Variants in ROBO1 observed in about 807,000 individuals in gnomAD.
ROBO1 encodes roundabout homolog 1.
In ROBO1, 149 loss-of-function variants were observed where a neutral mutation model predicts 195.9. That is an observed-to-expected ratio of 0.76 (90% CI 0.67 to 0.87). The LOEUF is 0.87. ROBO1 is among the 40% of genes least tolerant of loss of function. ROBO1 has a pLI of 0.00. For synonymous variants in ROBO1, 816 were observed against 733.2 expected, an observed-to-expected ratio of 1.11 and a Z score of -1.82; for missense variants, 1,933 against 2,068.3, an observed-to-expected ratio of 0.93 and a Z score of 1.27.
chr3:79,511,145 T>C (rs1940682697), intron 2 of ROBO1, among the ~76,000 whole-genome samples: 1 of 152,152 alleles, frequency 6.6e-6, no homozygotes, highest in East Asian at 1.9e-4. Context: ...AAGAAGAGTA[T>C]AATCAAGAAA....
chr3:79,291,986 A>C (rs910480509), intron 2 of ROBO1, among the ~76,000 whole-genome samples: 25 of 152,372 alleles, frequency 1.6e-4, no homozygotes, highest in Admixed American at 9.1e-4. Flanking sequence ...AAACAATAAC[A>C]GAATCTGTTA....
intron 1 of ROBO1, among the ~76,000 whole-genome samples, chr3:79,718,455 C>T (rs770275681): frequency 1.3e-5 from 2 of 151,964 alleles, no homozygotes; most frequent in African/African-American, 4.8e-5. Flanking sequence ...TAACTATAAA[C>T]TATATTTGAG....
At chr3:79,700,176 A>G (rs1947572186) in intron 1 of ROBO1, among the ~76,000 whole-genome samples, 1 of 151,766 alleles carries the variant, frequency 6.6e-6, no homozygotes, top group Admixed American at 6.6e-5. Context: ...TTGGTTTTTT[A>G]TGGCTGCATA....
chr3:79,433,459 T>C (rs1232291457), intron 2 of ROBO1, among the ~76,000 whole-genome samples: 1 of 152,080 alleles, frequency 6.6e-6, no homozygotes, highest in Non-Finnish European at 1.5e-5. Context: ...GGTGTGATTA[T>C]AGCTCACATC....
intron 2 of ROBO1, among the ~76,000 whole-genome samples, chr3:79,504,737 G>A (rs923602424): frequency 6.6e-6 from 1 of 152,102 alleles, no homozygotes; most frequent in African/African-American, 2.4e-5. Context: ...CAATTTGTTT[G>A]ATTTTTTTCT....
chr3:79,699,664 T>C (rs948645072), intron 1 of ROBO1, among the ~76,000 whole-genome samples: 4 of 151,490 alleles, frequency 2.6e-5, no homozygotes, highest in African/African-American at 9.7e-5. Flanking sequence ...TGTTTTTTTT[T>C]CATAATTATA....
At chr3:79,450,145 G>T (rs1255632263) in intron 2 of ROBO1, among the ~76,000 whole-genome samples, 4 of 151,692 alleles carry the variant, frequency 2.6e-5, no homozygotes, top group Non-Finnish European at 4.4e-5. Context: ...AAAAGACTGG[G>T]GTAAGGATAG....
At chr3:78,783,850 T>C (rs535555983) in intron 4 of ROBO1, among the ~76,000 whole-genome samples, 1 of 152,300 alleles carries the variant, frequency 6.6e-6, no homozygotes, top group Non-Finnish European at 1.5e-5. Flanking sequence ...TAAATCATGC[T>C]GAATTACACT....
chr3:79,761,825 T>C (rs1478435026), intron 1 of ROBO1, among the ~76,000 whole-genome samples: 1 of 152,128 alleles, frequency 6.6e-6, no homozygotes, highest in Non-Finnish European at 1.5e-5. Context: ...CTAAATTAAG[T>C]GCCATATTGA....
At position 78,604,239 on chromosome 3, in the gene ROBO1, T is replaced by C. The variant is rs535895203; in HGVS notation, c.4744+2494A>G. Among the ~76,000 whole-genome samples, 25 of 152,000 alleles carry C rather than the reference T, an allele frequency of 1.6e-4. 1 individual carries two copies. The South Asian group carries it at 5.0e-3, about 30-fold the overall frequency. ...GTGCACACAACCACACCCAGCTAAT[T>C]TTTTTATTTTTAGTAGAGATGGGGT... On this transcript the variant is annotated intron_variant, in intron 29 of 30. Coordinates refer to ENST00000464233, the MANE Select transcript of ROBO1 (RefSeq NM_002941.4).
intron 2 of ROBO1, among the ~76,000 whole-genome samples, chr3:79,586,848 C>A (rs1470292562): frequency 2.6e-5 from 4 of 151,740 alleles, no homozygotes; most frequent in Non-Finnish European, 5.9e-5. Flanking sequence ...CAAGACGTGG[C>A]ATAGTCCAGA....
At chr3:79,603,018 T>C (rs1944382887) in intron 1 of ROBO1, among the ~76,000 whole-genome samples, 1 of 152,044 alleles carries the variant, frequency 6.6e-6, no homozygotes, top group South Asian at 2.1e-4. Context: ...GACTCTTAAC[T>C]ACTTCTGAAT....
chr3:79,038,376 G>A (rs963610843), intron 3 of ROBO1, among the ~76,000 whole-genome samples: 1 of 152,144 alleles, frequency 6.6e-6, no homozygotes, highest in Non-Finnish European at 1.5e-5. Flanking sequence ...GTCCATCTAT[G>A]ATTTGGTCTA....
chr3:79,424,409 G>A (rs989555190), intron 2 of ROBO1, among the ~76,000 whole-genome samples: 4 of 142,784 alleles, frequency 2.8e-5, no homozygotes, highest in African/African-American at 1.1e-4. Flanking sequence ...TACTCCTCAA[G>A]TGAATGAAAA....
intron 1 of ROBO1, among the ~76,000 whole-genome samples, chr3:79,622,755 C>T (rs1488841285): frequency 6.6e-6 from 1 of 152,210 alleles, no homozygotes; most frequent in Non-Finnish European, 1.5e-5. Context: ...TCTGAGGAAT[C>T]TGGGCAGCCT....
intron 2 of ROBO1, among the ~76,000 whole-genome samples, chr3:79,450,251 C>T (rs530277657): frequency 6.6e-6 from 1 of 151,508 alleles, no homozygotes; most frequent in African/African-American, 2.4e-5. Flanking sequence ...TTTACTGAGT[C>T]TTTGAAGAGA....
chr3:79,392,515 G>A (rs2036992302), intron 2 of ROBO1, among the ~76,000 whole-genome samples: 1 of 152,034 alleles, frequency 6.6e-6, no homozygotes, highest in Admixed American at 6.6e-5. Context: ...TATTTGAATG[G>A]GTTTTTACCT....
At chr3:79,249,401 C>T (rs745883205) in intron 2 of ROBO1, among the ~76,000 whole-genome samples, 10 of 152,176 alleles carry the variant, frequency 6.6e-5, no homozygotes, top group Admixed American at 2.0e-4. Context: ...TAGGCAATAA[C>T]TTTCGTGGTC....
intron 2 of ROBO1, among the ~76,000 whole-genome samples, chr3:79,413,748 A>G (rs1454723889): frequency 6.6e-6 from 1 of 152,130 alleles, no homozygotes; most frequent in Non-Finnish European, 1.5e-5. Flanking sequence ...CTTATATCTG[A>G]AATTTTATTA....
Sources: allele counts gnomAD v4.1 joint callset (sites outside exome capture counted in the v4.1 genomes callset), GRCh38; gene constraint gnomAD v4.1.1; transcripts MANE v1.5; gene names NCBI Gene and HGNC (gene_info 2026-07-23, HGNC 2026-07-21).